RASSF7: variants seen among roughly 807,000 people sequenced by gnomAD.
RASSF7 encodes ras association domain-containing protein 7.
A neutral mutation model predicts 33.8 loss-of-function variants in RASSF7; 41 were observed. The ratio of observed to expected loss-of-function variants is 1.21; its 90% CI spans 0.95 to 1.57. The LOEUF is 1.57. RASSF7 is among the 40% of genes most tolerant of loss of function. The probability of loss-of-function intolerance (pLI) is 0.00; values close to 1 mark genes in which losing one functional copy is unlikely to be tolerated. For synonymous variants in RASSF7, 298 were observed against 212.8 expected, an observed-to-expected ratio of 1.40 and a Z score of -3.48; for missense variants, 622 against 497.0, an observed-to-expected ratio of 1.25 and a Z score of -2.39.
chr11:562,175 G>A lies in RASSF7; in HGVS notation c.221G>A (p.Gly74Glu). The A allele has an allele frequency of 3.2e-6, 5 of 1,584,946 alleles. No individual in the cohort carries two copies. The highest frequency in any genetic ancestry group is 4.3e-6 in the Non-Finnish European group (5 of 1,164,412). Residue 74 changes from glycine to glutamate, a missense_variant, in exon 3 of 6, where the codon GGA (glycine) becomes GAA (glutamate). By Grantham distance (98) the Gly-to-Glu change is moderately conservative (BLOSUM62 -2). Transcript: ENST00000397583. ...ECPVGAQATC[G>E]QFASDVQFVL... ...CCAGTGGGCGCCCAGGCCACCTGCG[G>A]ACAGTTTGCCAGCGATGTCCAGTTT... is the stretch of plus-strand genomic sequence containing the variant.
At chr11:562,010 C>G in intron 2 of RASSF7, 69 bp from the exon 3 acceptor site, 2 of 1,523,652 alleles carry the variant, frequency 1.3e-6, no homozygotes, top group Non-Finnish European at 8.8e-7. Flanking sequence ...TTTTGTTCTT[C>G]CCAACTCTTC....
Position 561,795 on chromosome 11 carries a change from G to A in RASSF7, c.27G>A (p.Glu9=), listed in dbSNP as rs748224897. MLLGLAAM[E]LKVWVDGIQR... The stretch of plus-strand genomic sequence containing the variant: ...TGTTGTTGGGACTGGCGGCCATGGA[G>A]CTGAAGGTGTGGGTGGATGGCATCC... Residue 9 remains glutamate, a synonymous_variant, in exon 2 of 6, where the codon GAG becomes GAA. Transcript: ENST00000397583. 5.0e-6 allele frequency: 8 copies of A among 1,613,424 alleles called. No individual in the cohort carries two copies. The Admixed American group carries it at 1.3e-4, about 27-fold the overall frequency.
intron 3 of RASSF7, 62 bp from the exon 4 acceptor site, chr11:563,127 C>G (rs1474200481): frequency 2.2e-5 from 32 of 1,452,120 alleles, no homozygotes; most frequent in Non-Finnish European, 2.8e-5. Flanking sequence ...AGTGCTCCCT[C>G]CGGAGCACAA....
rs1853354760 is a variant in RASSF7 at position 562,140 on chromosome 11, A to C, written c.186A>C (p.Pro62=). ...RLREKERQLL[P]QECPVGAQAT... Reference sequence around the variant, plus strand: ...GGGAGAAGGAGCGGCAGTTGCTGCCACAAGAGTGTCCAGTGGGCGCCCAGG... The same window carrying C: ...GGGAGAAGGAGCGGCAGTTGCTGCCCCAAGAGTGTCCAGTGGGCGCCCAGG... The change falls in exon 3 of 6, where the codon CCA becomes CCC. Residue 62 remains proline, a synonymous_variant. Coordinates refer to ENST00000397583, the MANE Select transcript of RASSF7 (RefSeq NM_003475.4). 2 of 1,552,982 alleles carry C rather than the reference A, an allele frequency of 1.3e-6. No homozygotes were observed. Among genetic ancestry groups the C allele is most frequent in the African/African-American group, 1.4e-5 (1 of 73,246 alleles).
chr11:563,937 C>T lies in RASSF7; in HGVS notation c.*292C>T. 1.9e-6 allele frequency: 1 copy of T among 538,348 alleles called. No individual in the cohort carries two copies. The highest frequency in any genetic ancestry group is 2.5e-5 in the South Asian group (1 of 39,374). 33.3% of individuals were successfully genotyped at this position (538,348 alleles called of 1,614,324 possible). A position where few individuals can be genotyped will look rare whatever the true frequency, so the allele number is the denominator to read the frequency against. ...CATGTGCTTGCCTGCGGGAGAGGTCCTTCACTGTGTGTACACAGCAAGAGC... is the reference window on the plus strand; with the variant it reads ...CATGTGCTTGCCTGCGGGAGAGGTCTTTCACTGTGTGTACACAGCAAGAGC... On this transcript the variant is annotated 3_prime_UTR_variant, in exon 6 of 6. Transcript: ENST00000397583.
Position 561,785 on chromosome 11 carries a change from CG to C in RASSF7, c.19del (p.Ala7ProfsTer4). The C allele has an allele frequency of 6.2e-7, 1 of 1,613,332 alleles. No individual in the cohort carries two copies. ...AGGACAGGCATGTTGTTGGGACTGG[CG>C]GCCATGGAGCTGAAGGTGTGGGTGG... MLLGL[A>X]AMELKVWVDG... is the part of the protein sequence containing the mutation. On this transcript the variant is annotated frameshift_variant, in exon 2 of 6. Coordinates refer to ENST00000397583, the MANE Select transcript of RASSF7 (RefSeq NM_003475.4). LOFTEE classifies it high-confidence loss of function.
Position 562,470 on chromosome 11 carries a change from G to C in RASSF7, c.516G>C (p.Glu172Asp), listed in dbSNP as rs201015304. The change falls in exon 3 of 6, where the codon GAG becomes GAC. Residue 172 changes from glutamate to aspartate, a missense_variant. Physicochemically the swap from Glu to Asp is conservative, Grantham distance 45. Coordinates refer to ENST00000397583, the MANE Select transcript of RASSF7 (RefSeq NM_003475.4). The part of the protein sequence containing the change: ...VQRNAEELGH[E>D]AFWEQELRRE... The stretch of plus-strand genomic sequence containing the variant: ...GGAATGCTGAGGAGCTGGGCCATGA[G>C]GCCTTCTGGGAGCAAGAGCTGCGCC... The C allele has an allele frequency of 6.4e-7, 1 of 1,550,500 alleles. No homozygotes were observed. The highest frequency in any genetic ancestry group is 2.4e-5 in the East Asian group (1 of 40,924).
chr11:563,109 C>G, intron 3 of RASSF7, 80 bp from the exon 4 acceptor site: 1 of 1,381,404 alleles, frequency 7.2e-7, no homozygotes, highest in Admixed American at 2.3e-5. Flanking sequence ...CAGGGCCCGA[C>G]CAGGGAAAGT....
rs182995401 is a variant in RASSF7 at position 562,571 on chromosome 11, G to C, written c.617G>C (p.Arg206Pro). The change falls in exon 3 of 6, where the codon CGG becomes CCG. Residue 206 changes from arginine to proline, a missense_variant. Coordinates refer to ENST00000397583, the MANE Select transcript of RASSF7 (RefSeq NM_003475.4). ...LSAATAEHAA[R>P]LQALDAQARA... The stretch of plus-strand genomic sequence containing the variant: ...GCGGCCACTGCTGAGCATGCCGCCC[G>C]GCTGCAGGCCCTGGACGCTCAGGCC... 6.5e-7 allele frequency: 1 copy of C among 1,544,498 alleles called. No individual in the cohort carries two copies. The highest frequency in any genetic ancestry group is 8.7e-7 in the Non-Finnish European group (1 of 1,146,288).
chr11:561,914 C>G (rs1390312213), intron 2 of RASSF7, 22 bp downstream of exon 2: 4 of 1,612,392 alleles, frequency 2.5e-6, no homozygotes, highest in Non-Finnish European at 3.4e-6. Context: ...CGGGGTCAGG[C>G]AGGCCGGGCA....
At position 563,257 on chromosome 11, in the gene RASSF7, G is replaced by C. The variant is rs34954482; in HGVS notation, c.891G>C (p.Gln297His). 3.1e-6 allele frequency: 5 copies of C among 1,610,746 alleles called. No individual in the cohort carries two copies. The African/African-American group carries it at 6.7e-5, about 22-fold the overall frequency. The change falls in exon 4 of 6, where the codon CAG becomes CAC. Residue 297 changes from glutamine (Q) to histidine (H), a missense_variant. Physicochemically the swap from Gln to His is conservative, Grantham distance 24. Transcript: ENST00000397583. ...AGTGCAACCTGCAGCAGTTCATCCA[G>C]CAGACCGGGGCTGCGCTGCCACCGC... Reference protein sequence around the residue: ...LRQCNLQQFIQQTGAALPPPP... With the variant: ...LRQCNLQQFIHQTGAALPPPP...
Position 563,439 on chromosome 11 carries a change from C to G in RASSF7, c.995C>G (p.Pro332Arg). Residue 332 changes from proline to arginine, a missense_variant, in exon 5 of 6, where the codon CCC (proline) becomes CGC (arginine). Pro to Arg is a moderately radical substitution (Grantham distance 103). Transcript: ENST00000397583. The part of the protein sequence containing the change: ...PAREESLLGA[P>R]SESHAGAQPR... The stretch of plus-strand genomic sequence containing the variant: ...AGAGAGGAGTCCCTCCTGGGCGCTC[C>G]CTCTGAGTCCCATGCTGGTGCCCAG... 1 of 1,611,766 alleles carries G rather than the reference C, an allele frequency of 6.2e-7. No individual in the cohort carries two copies. Among genetic ancestry groups the G allele is most frequent in the South Asian group, 1.1e-5 (1 of 90,932 alleles).
rs1388479268 is a variant in RASSF7, at chr11:563,961, G to A, written c.*316G>A. 3 of 450,092 alleles carry A rather than the reference G, an allele frequency of 6.7e-6. No individual in the cohort carries two copies. The highest frequency in any genetic ancestry group is 1.2e-5 in the Non-Finnish European group (3 of 252,706). 27.9% of individuals were successfully genotyped at this position (450,092 alleles called of 1,614,324 possible). A position where few individuals can be genotyped will look rare whatever the true frequency, so the allele number is the denominator to read the frequency against. ...CCTTCACTGTGTGTACACAGCAAGA[G>A]CATGTGTGTGCCACTTCCCCTACCC... On this transcript the variant is annotated 3_prime_UTR_variant, in exon 6 of 6. Transcript: ENST00000397583.
At position 563,303 on chromosome 11, in the gene RASSF7, C is replaced by T. The variant is rs139808560; in HGVS notation, c.937C>T (p.Pro313Ser). 704 of 1,609,656 alleles carry T rather than the reference C, an allele frequency of 4.4e-4. 1 individual carries two copies. Among genetic ancestry groups the T allele is most frequent in the African/African-American group, 3.9e-3 (293 of 75,012 alleles). Residue 313 changes from proline to serine, a missense_variant, in exon 4 of 6, where the codon CCT becomes TCT. By Grantham distance (74) the Pro-to-Ser change is moderately conservative. Coordinates refer to ENST00000397583, the MANE Select transcript of RASSF7 (RefSeq NM_003475.4). ...LPPPPRPDRGPPGTQGPLPPA... is the reference protein window; with the variant it reads ...LPPPPRPDRGSPGTQGPLPPA... ...ACCGCCCCCACGGCCTGACAGGGGC[C>T]CTCCTGGCACTCAGGTCGGAGTGGT...
intron 2 of RASSF7, 26 bp from the exon 3 acceptor site, chr11:562,053 G>A (rs890545490): frequency 1.3e-6 from 2 of 1,500,448 alleles, no homozygotes; most frequent in Non-Finnish European, 1.8e-6. Flanking sequence ...GGGGGACATA[G>A]GCTGACCTTC....
intron 1 of RASSF7, 139 bp downstream of exon 1, chr11:561,616 G>A (rs1250381420): frequency 3.4e-5 from 48 of 1,411,346 alleles, no homozygotes; most frequent in Non-Finnish European, 4.0e-5. Flanking sequence ...GTGGCTGGCG[G>A]GTGGGGCTGG....
Position 562,355 on chromosome 11 carries a change from C to G in RASSF7, c.401C>G (p.Pro134Arg). Residue 134 changes from proline (P) to arginine (R), a missense_variant, in exon 3 of 6, where the codon CCC (proline) becomes CGC (arginine). Physicochemically the swap from Pro to Arg is moderately radical, Grantham distance 103. Transcript: ENST00000397583. The stretch of plus-strand genomic sequence containing the variant: ...AAAACACTGACCCCCGAGCCAGCCC[C>G]CAGCCTCTCACGCCCTGGGCCTGCG... ...PRKTLTPEPA[P>R]SLSRPGPAAP... 6.2e-7 allele frequency: 1 copy of G among 1,603,162 alleles called. No individual in the cohort carries two copies. The highest frequency in any genetic ancestry group is 2.3e-5 in the East Asian group (1 of 43,996).
At position 561,851 on chromosome 11, in the gene RASSF7, C is replaced by T. The variant is rs755435187; in HGVS notation, c.83C>T (p.Thr28Ile). 4.3e-6 allele frequency: 7 copies of T among 1,613,354 alleles called. No homozygotes were observed. Among genetic ancestry groups the T allele is most frequent in the Non-Finnish European group, 5.9e-6 (7 of 1,179,998 alleles). The change falls in exon 2 of 6, where the codon ACC (threonine) becomes ATC (isoleucine). Residue 28 changes from threonine (T) to isoleucine (I), a missense_variant. Thr to Ile is a moderately conservative substitution (Grantham distance 89). Coordinates refer to ENST00000397583, the MANE Select transcript of RASSF7 (RefSeq NM_003475.4). The stretch of plus-strand genomic sequence containing the variant: ...GTGGTCTGTGGGGTCTCAGAGCAGA[C>T]CACCTGCCAGGAAGTGGTCATCGCA... ...QRVVCGVSEQ[T>I]TCQEVVIALA...
rs1313917765 is a variant in RASSF7 at position 563,068 on chromosome 11, C to T, written c.823-121C>T. ...GGGGACCTGATCCCCTGTCACTCCCCAACCCCTGACGTGGGCAGATATGGG... is the reference window on the plus strand; with the variant it reads ...GGGGACCTGATCCCCTGTCACTCCCTAACCCCTGACGTGGGCAGATATGGG... On this transcript the variant is annotated intron_variant, in intron 3 of 5. Coordinates refer to ENST00000397583, the MANE Select transcript of RASSF7 (RefSeq NM_003475.4). 3 of 1,019,658 alleles carry T rather than the reference C, an allele frequency of 2.9e-6. No homozygotes were observed. In the African/African-American group the frequency reaches 4.8e-5, roughly 16 times the overall value. 63.2% of individuals were successfully genotyped at this position (1,019,658 alleles called of 1,614,324 possible).
Sources: gnomAD v4.1 joint callset for allele counts on GRCh38, gnomAD v4.1.1 for gene constraint, MANE v1.5 for transcripts, NCBI Gene and HGNC (gene_info 2026-07-23, HGNC 2026-07-21) for gene names.